The following HHAT variants were observed in gnomAD, a reference collection of about 807,000 sequenced individuals.
HHAT encodes protein-cysteine N-palmitoyltransferase HHAT.
HHAT carries 47 observed loss-of-function variants against 70.8 expected under a neutral mutation model. That is an observed-to-expected ratio of 0.66 (90% CI 0.53 to 0.85). HHAT has a LOEUF of 0.85. Ranked by LOEUF, HHAT falls within the 40% of genes least tolerant of loss-of-function variation. The pLI, the probability that HHAT is intolerant of heterozygous loss-of-function variation, is 0.00. For missense variants in HHAT, 609 were observed against 604.8 expected, an observed-to-expected ratio of 1.01 and a Z score of -0.07; for synonymous variants, 228 against 247.6, an observed-to-expected ratio of 0.92 and a Z score of 0.74.
At chr1:210,606,855 T>C (rs1039169719) in intron 10 of HHAT, among the ~76,000 whole-genome samples, 24 of 152,248 alleles carry the variant, frequency 1.6e-4, no homozygotes, top group African/African-American at 5.5e-4. Flanking sequence ...ATCTGTCTTT[T>C]AGCTTTTAGC....
At chr1:210,600,549 T>C (rs1389142785) in intron 10 of HHAT, among the ~76,000 whole-genome samples, 15 of 152,098 alleles carry the variant, frequency 9.9e-5, no homozygotes, top group Admixed American at 8.5e-4. Context: ...AGCCTGCTGC[T>C]TTATGAGAGG....
intron 9 of HHAT, among the ~76,000 whole-genome samples, chr1:210,545,562 A>G (rs4845050): frequency 0.067 from 10,106 of 150,602 alleles, 639 homozygotes; most frequent in East Asian, 0.3. Flanking sequence ...CCAGCCTCCT[A>G]AGTAGCTAGG....
chr1:210,544,367 G>GTTTT (rs569514246), intron 9 of HHAT, among the ~76,000 whole-genome samples: 28 of 90,052 alleles, frequency 3.1e-4, no homozygotes, highest in African/African-American at 9.1e-4. Flanking sequence ...TCTTTCTTTC[G>GTTTT]TTTTTTTTTT....
At chr1:210,578,083 A>G (rs1461905268) in intron 9 of HHAT, among the ~76,000 whole-genome samples, 1 of 152,036 alleles carries the variant, frequency 6.6e-6, no homozygotes, top group African/African-American at 2.4e-5. Flanking sequence ...TTTTTATTTA[A>G]ATTTTTGGTA....
At chr1:210,533,899 G>A (rs560653865) in intron 9 of HHAT, among the ~76,000 whole-genome samples, 2 of 152,168 alleles carry the variant, frequency 1.3e-5, no homozygotes, top group Non-Finnish European at 2.9e-5. Flanking sequence ...AAAAGGCCCG[G>A]CTTGAATGAG....
chr1:210,499,695 G>C (rs1302630826), intron 8 of HHAT, among the ~76,000 whole-genome samples: 1 of 152,018 alleles, frequency 6.6e-6, no homozygotes, highest in African/African-American at 2.4e-5. Flanking sequence ...ACTTAGATTA[G>C]CTCAGCCACT....
chr1:210,516,573 G>A (rs888854719), intron 9 of HHAT, among the ~76,000 whole-genome samples: 5 of 152,106 alleles, frequency 3.3e-5, no homozygotes, highest in Non-Finnish European at 4.4e-5. Flanking sequence ...ACTCTATAAT[G>A]GACAAGAGAA....
At chr1:210,497,181 A>T (rs1484771577) in intron 8 of HHAT, among the ~76,000 whole-genome samples, 5 of 152,234 alleles carry the variant, frequency 3.3e-5, no homozygotes, top group African/African-American at 1.2e-4. Flanking sequence ...TAGAAACATA[A>T]AGGTATGCCC....
At chr1:210,649,113 G>C (rs1457116351) in intron 11 of HHAT, among the ~76,000 whole-genome samples, 1 of 152,196 alleles carries the variant, frequency 6.6e-6, no homozygotes, top group African/African-American at 2.4e-5. Context: ...AAAGAGGGTA[G>C]AGGGGATGTT....
intron 7 of HHAT, among the ~76,000 whole-genome samples, chr1:210,449,472 C>T (rs1040914531): frequency 7.9e-5 from 12 of 152,214 alleles, no homozygotes; most frequent in Admixed American, 3.9e-4. Flanking sequence ...TCCCCAGCTG[C>T]GCTGGGATGG....
intron 7 of HHAT, among the ~76,000 whole-genome samples, chr1:210,461,808 A>G (rs1388849265): frequency 6.6e-6 from 1 of 152,218 alleles, no homozygotes; most frequent in African/African-American, 2.4e-5. Context: ...AAAAAAATCT[A>G]TTTAAGCCTT....
intron 9 of HHAT, among the ~76,000 whole-genome samples, chr1:210,534,425 C>CT (rs889164339): frequency 2.2e-4 from 34 of 151,928 alleles, no homozygotes; most frequent in African/African-American, 7.0e-4. Flanking sequence ...TTCATTAATG[C>CT]TTTTTTTTAT....
intron 9 of HHAT, among the ~76,000 whole-genome samples, chr1:210,564,445 A>G (rs757322040): frequency 2.0e-5 from 3 of 152,224 alleles, no homozygotes; most frequent in Admixed American, 6.5e-5. Flanking sequence ...CCACAGAAGC[A>G]AAAATGTGAA....
chr1:210,459,149 C>G (rs1200999622), intron 7 of HHAT, among the ~76,000 whole-genome samples: 3 of 152,142 alleles, frequency 2.0e-5, no homozygotes, highest in Non-Finnish European at 4.4e-5. Flanking sequence ...AGTACCTAAC[C>G]TAGTGCTAGG....
intron 10 of HHAT, among the ~76,000 whole-genome samples, chr1:210,617,507 AGG>A (rs1172032412): frequency 6.6e-6 from 1 of 152,202 alleles, no homozygotes; most frequent in Admixed American, 6.5e-5. Context: ...GTAAGAACTC[AGG>A]GTGAGGCGGT....
chr1:210,382,373 G>A (rs2090704075), intron 3 of HHAT, among the ~76,000 whole-genome samples: 1 of 152,122 alleles, frequency 6.6e-6, no homozygotes, highest in Admixed American at 6.5e-5. Flanking sequence ...TTACACACAA[G>A]GAAATTCAAT....
chr1:210,514,662 C>T (rs1010410669), intron 9 of HHAT, among the ~76,000 whole-genome samples: 1 of 152,120 alleles, frequency 6.6e-6, no homozygotes, highest in Non-Finnish European at 1.5e-5. Flanking sequence ...CAACCTTCAA[C>T]AAACATTAGG....
intron 10 of HHAT, among the ~76,000 whole-genome samples, chr1:210,612,346 CT>C (rs1666771722): frequency 6.6e-6 from 1 of 152,126 alleles, no homozygotes; most frequent in Non-Finnish European, 1.5e-5. Flanking sequence ...CACTATTCTA[CT>C]TTCTGTCTCT....
chr1:210,368,649 G>A (rs1388154114), intron 3 of HHAT, among the ~76,000 whole-genome samples: 1 of 152,126 alleles, frequency 6.6e-6, no homozygotes, highest in Non-Finnish European at 1.5e-5. Flanking sequence ...ACAAGGTTAT[G>A]GAGAAAGAGG....
Sources: gnomAD v4.1 joint callset for allele counts (sites outside exome capture counted in the v4.1 genomes callset) on GRCh38, gnomAD v4.1.1 for gene constraint, MANE v1.5 for transcripts, NCBI Gene and HGNC (gene_info 2026-07-23, HGNC 2026-07-21) for gene names.